ROBO1: variants seen among roughly 807,000 people sequenced by gnomAD.
ROBO1 encodes the protein roundabout guidance receptor 1, also known as roundabout homolog 1.
Under a neutral mutation model 195.9 loss-of-function variants are expected in ROBO1, and 149 were observed. The ratio of observed to expected loss-of-function variants is 0.76; its 90% confidence interval spans 0.67 to 0.87. The LOEUF (loss-of-function observed/expected upper bound fraction) is 0.87, where lower values mean the gene tolerates loss of function less well. Ranked by LOEUF, ROBO1 falls within the 40% of genes least tolerant of loss-of-function variation. ROBO1 has a pLI of 0.00. For missense variants in ROBO1, 1,933 were observed against 2,068.3 expected, an observed-to-expected ratio of 0.93 and a Z score of 1.27; for synonymous variants, 816 against 733.2, an observed-to-expected ratio of 1.11 and a Z score of -1.82.
At chr3:78,886,738 TG>T (rs1431751203) in intron 4 of ROBO1, among the ~76,000 whole-genome samples, 1 of 152,172 alleles carries the variant, frequency 6.6e-6, no homozygotes, top group Non-Finnish European at 1.5e-5. Context: ...GTGGAATATA[TG>T]AAGCCCCATT....
chr3:78,597,770 C>T lies in ROBO1; in HGVS notation c.*1143G>A, dbSNP rs1702916728. On this transcript the variant is annotated 3_prime_UTR_variant, in exon 31 of 31. Coordinates refer to ENST00000464233, the MANE Select transcript of ROBO1 (RefSeq NM_002941.4). ...AGTAAGAACCATTTGGTTCATGGCC[C>T]ACAATAAAGTATGCATGTTACTTCA... is the stretch of plus-strand genomic sequence containing the variant. The T allele has an allele frequency of 6.6e-6, 1 of 152,248 alleles. No individual in the cohort carries two copies. Among genetic ancestry groups the T allele is most frequent in the South Asian group, 2.1e-4 (1 of 4,814 alleles). The allele number at this position is 152,248 out of a possible 1,614,324, so 9.4% of individuals were successfully genotyped here. A position where few individuals can be genotyped will look rare whatever the true frequency, so the allele number is the denominator to read the frequency against.
intron 2 of ROBO1, among the ~76,000 whole-genome samples, chr3:79,147,019 C>T (rs113908703): frequency 6.6e-6 from 1 of 151,894 alleles, no homozygotes; most frequent in African/African-American, 2.4e-5. Flanking sequence ...TAAGTATTAA[C>T]ATATCCAAGG....
At chr3:78,797,225 G>A (rs1306997573) in intron 4 of ROBO1, among the ~76,000 whole-genome samples, 1 of 152,150 alleles carries the variant, frequency 6.6e-6, no homozygotes, top group Non-Finnish European at 1.5e-5. Flanking sequence ...GTTTTCATAA[G>A]TTAGGGACAT....
At chr3:79,157,486 C>T (rs922441055) in intron 2 of ROBO1, among the ~76,000 whole-genome samples, 2 of 151,874 alleles carry the variant, frequency 1.3e-5, no homozygotes, top group African/African-American at 4.8e-5. Flanking sequence ...AAAACACAAA[C>T]ACCCATATAT....
intron 3 of ROBO1, among the ~76,000 whole-genome samples, chr3:78,942,535 T>A (rs571449540): frequency 6.6e-6 from 1 of 152,116 alleles, no homozygotes; most frequent in South Asian, 2.1e-4. Flanking sequence ...AGGCAGGGAA[T>A]AAGAGAGTGA....
intron 2 of ROBO1, among the ~76,000 whole-genome samples, chr3:79,457,705 T>C (rs549733790): frequency 6.9e-4 from 105 of 152,174 alleles, no homozygotes; most frequent in Non-Finnish European, 1.2e-3. Context: ...GCAGTTCCCC[T>C]GCACATGCTC....
chr3:79,508,937 AAAGTAT>A lies in ROBO1; in HGVS notation c.88+80881_88+80886del, dbSNP rs765470868. On this transcript the variant is annotated intron_variant, in intron 2 of 30. Transcript: ENST00000464233. ...CATTTAAGATACAATCTGACAAAAC[AAAGTAT>A]AAGTCTTATAGAAATAACACAGTTG... 1.1e-4 allele frequency among the ~76,000 whole-genome samples: 16 copies of A among 152,294 alleles called. No individual in the cohort carries two copies. The East Asian group carries it at 3.1e-3, about 29-fold the overall frequency.
intron 2 of ROBO1, among the ~76,000 whole-genome samples, chr3:79,557,300 CTTATT>C (rs1316962623): frequency 2.0e-5 from 3 of 152,020 alleles, no homozygotes; most frequent in Non-Finnish European, 4.4e-5. Flanking sequence ...TTTAATGTCT[CTTATT>C]TATCCGTGTA....
chr3:79,199,816 A>G lies in ROBO1; in HGVS notation c.89-74277T>C, dbSNP rs556549018. On this transcript the variant is annotated intron_variant, in intron 2 of 30. Transcript: ENST00000464233. Reference sequence around the variant, plus strand: ...ATAAAATTTTAGTTAAAACTTAGCTACTTGTTTTACTTATATAAACTTTTT... The same window carrying G: ...ATAAAATTTTAGTTAAAACTTAGCTGCTTGTTTTACTTATATAAACTTTTT... Among the ~76,000 whole-genome samples the G allele has an allele frequency of 3.9e-5, 6 of 151,934 alleles. No individual in the cohort carries two copies. The South Asian group carries it at 1.2e-3, about 31-fold the overall frequency.
intron 2 of ROBO1, among the ~76,000 whole-genome samples, chr3:79,517,818 C>G (rs773907657): frequency 1.3e-5 from 2 of 152,184 alleles, no homozygotes; most frequent in Non-Finnish European, 2.9e-5. Flanking sequence ...ATGAAATAAA[C>G]TCTGTGGCAG....
At chr3:79,538,942 G>A (rs1018602313) in intron 2 of ROBO1, among the ~76,000 whole-genome samples, 3 of 152,100 alleles carry the variant, frequency 2.0e-5, no homozygotes, top group Admixed American at 2.0e-4. Context: ...GAATTTCCGT[G>A]CATAGCAAAT....
At chr3:79,393,821 C>A (rs1240962137) in intron 2 of ROBO1, among the ~76,000 whole-genome samples, 1 of 152,092 alleles carries the variant, frequency 6.6e-6, no homozygotes, top group African/African-American at 2.4e-5. Flanking sequence ...ATACTGTCAG[C>A]TTTGATGGAT....
chr3:78,599,897 G>A, intron 30 of ROBO1: 1 of 584,832 alleles, frequency 1.7e-6, no homozygotes. Context: ...ATAAACCCTA[G>A]CTAAACAAAT....
chr3:78,942,972 C>T lies in ROBO1; in HGVS notation c.173-4045G>A, dbSNP rs367782531. On this transcript the variant is annotated intron_variant, in intron 3 of 30. Coordinates refer to ENST00000464233, the MANE Select transcript of ROBO1 (RefSeq NM_002941.4). ...GGTCACGCCTGTAATCCCAGGACTT[C>T]GGGAGGCCAAGGCGGGCAGATCACC... 2.2e-4 allele frequency among the ~76,000 whole-genome samples: 33 copies of T among 151,424 alleles called. No individual in the cohort carries two copies. In the East Asian group the frequency reaches 5.9e-3, roughly 27 times the overall value.
At chr3:78,739,691 A>T (rs926581335) in intron 5 of ROBO1, among the ~76,000 whole-genome samples, 1 of 152,048 alleles carries the variant, frequency 6.6e-6, no homozygotes, top group Non-Finnish European at 1.5e-5. Context: ...AAACTACTCA[A>T]TTTTTCAAAT....
chr3:78,891,412 A>C (rs966512230), intron 4 of ROBO1, among the ~76,000 whole-genome samples: 1 of 152,212 alleles, frequency 6.6e-6, no homozygotes, highest in African/African-American at 2.4e-5. Flanking sequence ...GGTGAGAGAT[A>C]TCTCATATCC....
At chr3:78,847,035 G>A (rs1326553264) in intron 4 of ROBO1, among the ~76,000 whole-genome samples, 1 of 152,082 alleles carries the variant, frequency 6.6e-6, no homozygotes, top group Non-Finnish European at 1.5e-5. Flanking sequence ...CTGTGTCTCA[G>A]CTTGAAAAGT....
At chr3:79,701,509 A>G (rs1217714576) in intron 1 of ROBO1, among the ~76,000 whole-genome samples, 1 of 151,738 alleles carries the variant, frequency 6.6e-6, no homozygotes, top group Non-Finnish European at 1.5e-5. Context: ...GAGCCAACTA[A>G]CCTTATTACA....
chr3:79,489,479 C>G (rs1939337589), intron 2 of ROBO1, among the ~76,000 whole-genome samples: 2 of 151,804 alleles, frequency 1.3e-5, no homozygotes, highest in Admixed American at 6.6e-5. Context: ...CATGGTGAAA[C>G]CCCGTCTCTA....
Sources: gnomAD v4.1 joint callset for allele counts (sites outside exome capture counted in the v4.1 genomes callset) on GRCh38, gnomAD v4.1.1 for gene constraint, MANE v1.5 for transcripts, NCBI Gene and HGNC (gene_info 2026-07-23, HGNC 2026-07-21) for gene names.